ASIC2: variants seen among roughly 807,000 people sequenced by gnomAD.
The protein encoded by ASIC2 is acid-sensing ion channel 2.
In ASIC2, 25 loss-of-function variants were observed where a neutral mutation model predicts 57.3. The ratio of observed to expected loss-of-function variants is 0.44; its 90% CI spans 0.32 to 0.61. The LOEUF is 0.61. Ranked by LOEUF, ASIC2 falls within the 20% of genes least tolerant of loss-of-function variation. The pLI is 0.06. For missense variants in ASIC2, 641 were observed against 738.1 expected (o/e 0.87, Z 1.52); for synonymous variants, 319 against 307.5 (o/e 1.04, Z -0.39).
At chr17:33,735,559 G>A (rs937611796) in intron 1 of ASIC2, among the ~76,000 whole-genome samples, 1 of 152,174 alleles carries the variant, frequency 6.6e-6, no homozygotes, top group African/African-American at 2.4e-5. Flanking sequence ...TGTGGGTGGA[G>A]GGTTGGCTGG....
intron 1 of ASIC2, among the ~76,000 whole-genome samples, chr17:33,690,454 A>G (rs115422156): frequency 0.028 from 4,217 of 152,252 alleles, 160 homozygotes; most frequent in African/African-American, 0.094. Flanking sequence ...ATGTGGATGC[A>G]TGGGCTTCTT....
intron 1 of ASIC2, among the ~76,000 whole-genome samples, chr17:33,944,864 A>T (rs542625119): frequency 3.5e-4 from 54 of 152,250 alleles, no homozygotes; most frequent in Non-Finnish European, 6.9e-4. Context: ...AATCTCCACC[A>T]ATGCGTAAAA....
chr17:33,893,954 G>A (rs1344490971), intron 1 of ASIC2, among the ~76,000 whole-genome samples: 1 of 152,118 alleles, frequency 6.6e-6, no homozygotes, highest in Non-Finnish European at 1.5e-5. Context: ...CTCAGTCAAA[G>A]TCAGATACAT....
intron 1 of ASIC2, among the ~76,000 whole-genome samples, chr17:33,904,896 A>G (rs1175605302): frequency 6.6e-6 from 1 of 152,198 alleles, no homozygotes; most frequent in Non-Finnish European, 1.5e-5. Context: ...TATGCCAACC[A>G]GAAGGCTAAC....
chr17:33,975,448 A>G (rs1228084859), intron 1 of ASIC2, among the ~76,000 whole-genome samples: 1 of 152,112 alleles, frequency 6.6e-6, no homozygotes, highest in Non-Finnish European at 1.5e-5. Context: ...GGAAACCCAA[A>G]GTCATGATCT....
intron 1 of ASIC2, among the ~76,000 whole-genome samples, chr17:33,643,147 T>TCCC (rs71144893): frequency 6.7e-6 from 1 of 149,824 alleles, no homozygotes; most frequent in Non-Finnish European, 1.5e-5. Context: ...CATGCTCATT[T>TCCC]CCCCCCCCCC....
chr17:33,035,392 T>G (rs1243467721), intron 3 of ASIC2, among the ~76,000 whole-genome samples: 1 of 152,222 alleles, frequency 6.6e-6, no homozygotes, highest in African/African-American at 2.4e-5. Context: ...AGAGTCATTT[T>G]TATTAGATAC....
At chr17:33,895,627 G>A (rs1915077561) in intron 1 of ASIC2, among the ~76,000 whole-genome samples, 1 of 152,140 alleles carries the variant, frequency 6.6e-6, no homozygotes, top group South Asian at 2.1e-4. Flanking sequence ...AGTTTACTTG[G>A]AGCCAACAGA....
At chr17:33,959,123 A>T (rs141225739) in intron 1 of ASIC2, among the ~76,000 whole-genome samples, 82 of 152,314 alleles carry the variant, frequency 5.4e-4, no homozygotes, top group African/African-American at 1.9e-3. Flanking sequence ...AAGCCATTCA[A>T]CAAGACTCTA....
intron 1 of ASIC2, among the ~76,000 whole-genome samples, chr17:33,229,692 C>T (rs942006552): frequency 5.3e-5 from 8 of 152,258 alleles, no homozygotes; most frequent in Non-Finnish European, 1.0e-4. Flanking sequence ...GAGCCTGGGA[C>T]GCATGGGAGC....
chr17:33,856,673 G>A (rs982718216), intron 1 of ASIC2, among the ~76,000 whole-genome samples: 1 of 131,002 alleles, frequency 7.6e-6, no homozygotes, highest in African/African-American at 2.6e-5. Context: ...TGTGCTCTTT[G>A]AGTTGTGCCA....
At chr17:33,069,107 G>A (rs777931119) in intron 3 of ASIC2, among the ~76,000 whole-genome samples, 1 of 151,978 alleles carries the variant, frequency 6.6e-6, no homozygotes, top group African/African-American at 2.4e-5. Context: ...GGATTATTTA[G>A]AAGTGTGTTA....
At chr17:33,531,072 AC>A (rs34388452) in intron 1 of ASIC2, among the ~76,000 whole-genome samples, 35,811 of 149,498 alleles carry the variant, frequency 0.24, 4,858 homozygotes, top group Non-Finnish European at 0.31. Context: ...TAATTTATTA[AC>A]TTATTGACTA....
chr17:33,650,676 T>TCA (rs1906889085), intron 1 of ASIC2, among the ~76,000 whole-genome samples: 1 of 152,140 alleles, frequency 6.6e-6, no homozygotes, highest in African/African-American at 2.4e-5. Context: ...ACAAACAACC[T>TCA]GGATGAATTG....
intron 3 of ASIC2, among the ~76,000 whole-genome samples, chr17:33,054,031 CT>C (rs1207997091): frequency 6.6e-6 from 1 of 152,106 alleles, no homozygotes; most frequent in Non-Finnish European, 1.5e-5. Context: ...CTTTGCTCTC[CT>C]GTATCCCTGC....
At chr17:33,972,741 C>T (rs543070845) in intron 1 of ASIC2, among the ~76,000 whole-genome samples, 14 of 152,346 alleles carry the variant, frequency 9.2e-5, no homozygotes, top group East Asian at 7.7e-4. Context: ...AAAGAGAACA[C>T]AGAACAGGTC....
chr17:33,071,251 A>G (rs2092067949), intron 3 of ASIC2, among the ~76,000 whole-genome samples: 1 of 152,178 alleles, frequency 6.6e-6, no homozygotes, highest in Non-Finnish European at 1.5e-5. Context: ...ATGTTAGGCC[A>G]CTGGAAGTTG....
At chr17:34,042,332 C>T (rs371702491) in intron 1 of ASIC2, among the ~76,000 whole-genome samples, 1 of 152,164 alleles carries the variant, frequency 6.6e-6, no homozygotes, top group African/African-American at 2.4e-5. Flanking sequence ...AAACATCCAT[C>T]AACATGTGAA....
intron 1 of ASIC2, chr17:34,036,628 A>AT (rs1907889417): frequency 6.8e-6 from 1 of 147,286 alleles, no homozygotes; most frequent in East Asian, 2.0e-4. Context: ...TCCTACTAGC[A>AT]TTTTATCAAG....
Sources: allele counts gnomAD v4.1 joint callset (sites outside exome capture counted in the v4.1 genomes callset), GRCh38; gene constraint gnomAD v4.1.1; transcripts MANE v1.5; gene names NCBI Gene and HGNC (gene_info 2026-07-23, HGNC 2026-07-21).